Variants in BBS9 observed in about 807,000 individuals in gnomAD.
BBS9 encodes protein PTHB1.
BBS9 carries 89 observed loss-of-function variants against 117.7 expected under a neutral mutation model. The observed-to-expected ratio is 0.76, with a 90% confidence interval of 0.64 to 0.90. The LOEUF (loss-of-function observed/expected upper bound fraction) is 0.90, where lower values mean the gene tolerates loss of function less well. Among genes scored for constraint, BBS9 ranks in the 40% least tolerant of loss-of-function variants. The probability of loss-of-function intolerance (pLI) is 0.00; values close to 1 mark genes in which losing one functional copy is unlikely to be tolerated. For missense variants in BBS9, 982 were observed against 1,042.2 expected, an observed-to-expected ratio of 0.94 and a Z score of 0.80; for synonymous variants, 379 against 370.9, an observed-to-expected ratio of 1.02 and a Z score of -0.25.
At chr7:33,484,034 G>A (rs1277070975) in intron 19 of BBS9, among the ~76,000 whole-genome samples, 1 of 152,190 alleles carries the variant, frequency 6.6e-6, no homozygotes, top group East Asian at 1.9e-4. Context: ...ATAATTCTTT[G>A]GTATTAGTAT....
At chr7:33,359,768 T>C (rs1378224495) in intron 16 of BBS9, among the ~76,000 whole-genome samples, 1 of 152,140 alleles carries the variant, frequency 6.6e-6, no homozygotes, top group Non-Finnish European at 1.5e-5. Context: ...AAACAACTTT[T>C]ACTCTACATG....
intron 21 of BBS9, among the ~76,000 whole-genome samples, chr7:33,632,652 C>G (rs543772281): frequency 6.6e-6 from 1 of 152,088 alleles, no homozygotes; most frequent in Non-Finnish European, 1.5e-5. Context: ...TGCCCAGCCC[C>G]GGGGACTCCA....
At chr7:33,341,100 G>C in intron 11 of BBS9, 127 bp downstream of exon 11, 1 of 761,142 alleles carries the variant, frequency 1.3e-6, no homozygotes, top group Non-Finnish European at 2.2e-6. Context: ...ACAAATTGTA[G>C]GCCTTGTTAT....
intron 20 of BBS9, among the ~76,000 whole-genome samples, chr7:33,526,432 G>A (rs9769339): frequency 0.43 from 65,809 of 151,614 alleles, 15,202 homozygotes; most frequent in African/African-American, 0.57. Context: ...ATATTTCTTG[G>A]AGGCTTTGCT....
At chr7:33,598,750 A>G (rs76643430) in intron 21 of BBS9, among the ~76,000 whole-genome samples, 3,252 of 152,328 alleles carry the variant, frequency 0.021, 68 homozygotes, top group South Asian at 0.1. Flanking sequence ...CAAACTTATG[A>G]TAATAACACC....
intron 21 of BBS9, among the ~76,000 whole-genome samples, chr7:33,583,428 A>C (rs1860347335): frequency 6.6e-6 from 1 of 151,808 alleles, no homozygotes; most frequent in Non-Finnish European, 1.5e-5. Flanking sequence ...TTATATATAT[A>C]TTTCTCACAT....
chr7:33,193,423 T>TG (rs1784461985), intron 5 of BBS9, among the ~76,000 whole-genome samples: 3 of 100,976 alleles, frequency 3.0e-5, no homozygotes, highest in Non-Finnish European at 4.0e-5. Context: ...TCTCTCTGCC[T>TG]TTTTTTTTTT....
intron 5 of BBS9, among the ~76,000 whole-genome samples, chr7:33,201,727 T>C (rs1344644749): frequency 1.3e-5 from 2 of 152,088 alleles, no homozygotes; most frequent in Non-Finnish European, 2.9e-5. Context: ...ATTTTTTTTT[T>C]ATTTGAGAGA....
intron 21 of BBS9, among the ~76,000 whole-genome samples, chr7:33,558,338 C>CT (rs1373473808): frequency 6.6e-6 from 1 of 152,008 alleles, no homozygotes; most frequent in Non-Finnish European, 1.5e-5. Flanking sequence ...TTGAGGAAGC[C>CT]TTACTGAGGT....
intron 21 of BBS9, among the ~76,000 whole-genome samples, chr7:33,580,792 A>G (rs1250804765): frequency 6.6e-6 from 1 of 152,204 alleles, no homozygotes; most frequent in African/African-American, 2.4e-5. Context: ...GGATTCAGCC[A>G]GGATGCTAAG....
intron 9 of BBS9, among the ~76,000 whole-genome samples, chr7:33,278,573 G>A (rs991351902): frequency 5.3e-5 from 8 of 152,138 alleles, no homozygotes; most frequent in African/African-American, 1.9e-4. Flanking sequence ...CATATCAGGA[G>A]GTGGCATTGC....
chr7:33,541,740 A>T (rs1332591866), intron 21 of BBS9, among the ~76,000 whole-genome samples: 1 of 152,224 alleles, frequency 6.6e-6, no homozygotes, highest in Non-Finnish European at 1.5e-5. Context: ...TAAAATGTCC[A>T]GAATAGGCAA....
rs112663039 is a variant in BBS9 at position 33,603,465 on chromosome 7, G to C, written c.2522-1400G>C. 5.2e-3 allele frequency among the ~76,000 whole-genome samples: 796 copies of C among 152,218 alleles called. 7 individuals carry two copies. Among genetic ancestry groups the C allele is most frequent in the African/African-American group, 0.019 (778 of 41,524 alleles). On this transcript the variant is annotated intron_variant, in intron 21 of 22. Transcript: ENST00000242067. The stretch of plus-strand genomic sequence containing the variant: ...CACCGTGTGACAAGACTGGAGTTCT[G>C]TGACATTGGCAAGTTACTGAATCTC...
chr7:33,606,945 A>G (rs1864606541), downstream of BBS9, among the ~76,000 whole-genome samples: 1 of 152,092 alleles, frequency 6.6e-6, no homozygotes, highest in South Asian at 2.1e-4. Flanking sequence ...CTATAATGGA[A>G]TGGGGAAATG....
intron 20 of BBS9, among the ~76,000 whole-genome samples, chr7:33,521,908 C>T (rs1585110250): frequency 8.1e-6 from 1 of 122,772 alleles, no homozygotes; most frequent in East Asian, 2.9e-4. Flanking sequence ...CCCCCCACCC[C>T]ACCACAGTCC....
chr7:33,584,470 C>G (rs927676126), intron 21 of BBS9, among the ~76,000 whole-genome samples: 3 of 151,874 alleles, frequency 2.0e-5, no homozygotes, highest in African/African-American at 7.2e-5. Flanking sequence ...GTTTTAGATC[C>G]TTATTCCTAG....
chr7:33,338,275 GA>G lies in BBS9; in HGVS notation c.1198+1660del, dbSNP rs985821076. On this transcript the variant is annotated intron_variant, in intron 10 of 22. Transcript: ENST00000242067. Reference sequence around the variant, plus strand: ...TTAAAACATTTTATTTCTAGATATGGAAAAAAATTTAGTAACTTGTACCCTT... The same window carrying G: ...TTAAAACATTTTATTTCTAGATATGGAAAAAATTTAGTAACTTGTACCCTT... Among the ~76,000 whole-genome samples the G allele has an allele frequency of 5.3e-5, 8 of 151,944 alleles. No homozygotes were observed. In the South Asian group the frequency reaches 1.2e-3, roughly 24 times the overall value.
chr7:33,539,583 C>T (rs1416718002), intron 21 of BBS9, among the ~76,000 whole-genome samples: 3 of 152,172 alleles, frequency 2.0e-5, no homozygotes, highest in Non-Finnish European at 4.4e-5. Context: ...CTTACAGGCA[C>T]CTTTACAGAA....
At position 33,479,499 on chromosome 7, in the gene BBS9, G is replaced by T. The variant is rs571879324; in HGVS notation, c.2116-25964G>T. Among the ~76,000 whole-genome samples the T allele has an allele frequency of 3.9e-5, 6 of 152,092 alleles. No homozygotes were observed. In the East Asian group the frequency reaches 1.2e-3, roughly 29 times the overall value. On this transcript the variant is annotated intron_variant, in intron 19 of 22. Transcript: ENST00000242067. Reference sequence around the variant, plus strand: ...GGTGTATATGTGCAACATTTTCTTTGTACAATCCATTGTTCAGGGGCACCT... The same window carrying T: ...GGTGTATATGTGCAACATTTTCTTTTTACAATCCATTGTTCAGGGGCACCT...
Sources: gnomAD v4.1 joint callset for allele counts (sites outside exome capture counted in the v4.1 genomes callset) on GRCh38, gnomAD v4.1.1 for gene constraint, MANE v1.5 for transcripts, NCBI Gene and HGNC (gene_info 2026-07-23, HGNC 2026-07-21) for gene names.